Variants in REEP1 observed in about 807,000 individuals in gnomAD.
The protein encoded by REEP1 is receptor expression-enhancing protein 1.
Under a neutral mutation model 40.3 loss-of-function variants are expected in REEP1, and 22 were observed. The observed-to-expected ratio is 0.55, with a 90% CI of 0.39 to 0.78. The LOEUF (loss-of-function observed/expected upper bound fraction) is 0.78, where lower values mean the gene tolerates loss of function less well. Ranked by LOEUF, REEP1 falls within the 30% of genes least tolerant of loss-of-function variation. The pLI is 0.00. For missense variants in REEP1, 280 were observed against 361.1 expected, an observed-to-expected ratio of 0.78 and a Z score of 1.82; for synonymous variants, 116 against 139.2, an observed-to-expected ratio of 0.83 and a Z score of 1.17.
chr2:86,249,481 C>G (rs1490781284), intron 5 of REEP1, among the ~76,000 whole-genome samples: 4 of 152,144 alleles, frequency 2.6e-5, no homozygotes, highest in East Asian at 1.9e-4. Flanking sequence ...ACCTGTGCCC[C>G]CTATGGTTCT....
rs1681091720 is a variant in REEP1 at position 86,337,264 on chromosome 2, G to A, written c.32+215C>T. 3.8e-6 allele frequency: 1 copy of A among 265,718 alleles called. No individual in the cohort carries two copies. Among genetic ancestry groups the A allele is most frequent in the South Asian group, 1.7e-4 (1 of 5,946 alleles). 16.5% of individuals were successfully genotyped at this position (265,718 alleles called of 1,614,324 possible). On this transcript the variant is annotated intron_variant, in intron 1 of 8. Transcript: ENST00000538924. The surrounding 1 kb of genome is among the most constrained non-coding windows in gnomAD (Gnocchi z 5.8). ...GTCCCGGCCCAGCCCCCCGCAAGCG[G>A]CCGCCGGCGCCGGCTGCCTCCTGGG... is the stretch of plus-strand genomic sequence containing the variant.
At chr2:86,266,308 G>A (rs1198929050) in intron 2 of REEP1, among the ~76,000 whole-genome samples, 1 of 152,204 alleles carries the variant, frequency 6.6e-6, no homozygotes, top group Non-Finnish European at 1.5e-5. Flanking sequence ...CTTGGATCAG[G>A]CAATGCTTTC....
chr2:86,277,572 A>AAT (rs56069389), intron 2 of REEP1, among the ~76,000 whole-genome samples: 4 of 151,376 alleles, frequency 2.6e-5, no homozygotes, highest in Non-Finnish European at 5.9e-5. Context: ...AAAAAAAAAA[A>AAT]GTCAATGGGT....
chr2:86,244,757 G>A (rs1675841499), intron 5 of REEP1, among the ~76,000 whole-genome samples: 1 of 152,176 alleles, frequency 6.6e-6, no homozygotes, highest in Admixed American at 6.5e-5. Context: ...AACCCTGGAG[G>A]GTTAACAAAG....
chr2:86,316,548 CAA>C (rs58561932), intron 1 of REEP1, among the ~76,000 whole-genome samples: 9 of 70,446 alleles, frequency 1.3e-4, no homozygotes, highest in African/African-American at 5.9e-5. Flanking sequence ...AACTCTGTCT[CAA>C]AAAAAAAAAA....
chr2:86,318,271 A>G (rs1368877500), intron 1 of REEP1, among the ~76,000 whole-genome samples: 2 of 152,200 alleles, frequency 1.3e-5, no homozygotes, highest in African/African-American at 2.4e-5. Context: ...AACCACCACT[A>G]ATAAGGTTTC....
intron 2 of REEP1, among the ~76,000 whole-genome samples, chr2:86,280,843 T>C (rs1314937783): frequency 3.9e-5 from 6 of 152,106 alleles, no homozygotes; most frequent in African/African-American, 1.2e-4. Context: ...GGTTTCATCA[T>C]AAAGACTTCT....
At chr2:86,237,165 G>A (rs1675406463) in intron 5 of REEP1, among the ~76,000 whole-genome samples, 1 of 152,162 alleles carries the variant, frequency 6.6e-6, no homozygotes. Flanking sequence ...TGGCATAACT[G>A]GACAACTGAA....
At chr2:86,290,445 C>T (rs1444211177) in intron 1 of REEP1, among the ~76,000 whole-genome samples, 1 of 152,014 alleles carries the variant, frequency 6.6e-6, no homozygotes, top group Non-Finnish European at 1.5e-5. Context: ...CACCACTATA[C>T]ACCTGACCTT....
At chr2:86,320,750 T>C (rs1680240258) in intron 1 of REEP1, among the ~76,000 whole-genome samples, 2 of 152,202 alleles carry the variant, frequency 1.3e-5, no homozygotes, top group Admixed American at 1.3e-4. Context: ...TGATTAGACA[T>C]GGCTGAGGAG....
At chr2:86,236,415 A>C (rs1346104044) in intron 5 of REEP1, among the ~76,000 whole-genome samples, 1 of 152,204 alleles carries the variant, frequency 6.6e-6, no homozygotes, top group Non-Finnish European at 1.5e-5. Context: ...GGTATTCTGC[A>C]AAATTGGTTT....
rs1674002755 is a variant in REEP1, at chr2:86,214,581, A to T, written c.*2458T>A. ...TTCAGTTGTATCCTCTAGACAGAAC[A>T]CCACACCACTACATGTACACTTACA... On this transcript the variant is annotated 3_prime_UTR_variant, in exon 9 of 9. Transcript: ENST00000538924. The T allele has an allele frequency of 6.5e-6, 1 of 152,684 alleles. No homozygotes were observed. The allele number at this position is 152,684 out of a possible 1,614,324, so 9.5% of individuals were successfully genotyped here.
chr2:86,250,322 G>C (rs939209447), intron 5 of REEP1, among the ~76,000 whole-genome samples: 2 of 152,174 alleles, frequency 1.3e-5, no homozygotes, highest in African/African-American at 4.8e-5. Flanking sequence ...TTTTCCTCAG[G>C]CTTCAGAGGC....
upstream of REEP1, chr2:86,337,964 T>C: frequency 2.1e-6 from 3 of 1,449,326 alleles, no homozygotes; most frequent in African/African-American, 4.2e-5. The surrounding 1 kb of genome is among the most constrained non-coding windows in gnomAD (Gnocchi z 5.8). Flanking sequence ...TCTGCACCTG[T>C]CTAGGTGGGA....
rs1674034411 is a variant in REEP1, at chr2:86,215,070, G to C, written c.*1969C>G. 1 of 119,694 alleles carries C rather than the reference G, an allele frequency of 8.4e-6. No individual in the cohort carries two copies. The highest frequency in any genetic ancestry group is 1.6e-5 in the Non-Finnish European group (1 of 60,834). 7.4% of individuals were successfully genotyped at this position (119,694 alleles called of 1,614,324 possible). On this transcript the variant is annotated 3_prime_UTR_variant, in exon 9 of 9. Coordinates refer to ENST00000538924, the MANE Select transcript of REEP1 (RefSeq NM_001371279.1). Reference sequence around the variant, plus strand: ...TTGCATTCGTTTCTGATAATTCTGGGTACTTCCAACTAACAGGTAAATACA... The same window carrying C: ...TTGCATTCGTTTCTGATAATTCTGGCTACTTCCAACTAACAGGTAAATACA...
intron 1 of REEP1, among the ~76,000 whole-genome samples, chr2:86,327,729 G>A (rs886817859): frequency 2.0e-5 from 3 of 151,898 alleles, no homozygotes; most frequent in Admixed American, 6.6e-5. Flanking sequence ...CTCCACATCC[G>A]GCTAATTTTT....
intron 3 of REEP1, 115 bp from the exon 4 acceptor site, chr2:86,254,929 G>C (rs1676474321): frequency 2.6e-6 from 3 of 1,154,092 alleles, no homozygotes; most frequent in Admixed American, 3.6e-5. Flanking sequence ...GTGGCTGCAA[G>C]TTTCCCAGAT....
chr2:86,263,884 G>T, intron 3 of REEP1, 81 bp downstream of exon 3: 1 of 1,020,608 alleles, frequency 9.8e-7, no homozygotes, highest in Non-Finnish European at 1.6e-6. Flanking sequence ...TTTGAGGCTG[G>T]GTTCAGCCCT....
chr2:86,305,362 C>T (rs1464489791), intron 1 of REEP1, among the ~76,000 whole-genome samples: 2 of 152,226 alleles, frequency 1.3e-5, no homozygotes, highest in African/African-American at 4.8e-5. Flanking sequence ...CGTTTCCTCC[C>T]TCAGGGCAAG....
Sources: gnomAD v4.1 joint callset for allele counts (sites outside exome capture counted in the v4.1 genomes callset) on GRCh38, gnomAD v4.1.1 for gene constraint, Gnocchi (gnomAD v3.1) non-coding constraint, MANE v1.5 for transcripts, NCBI Gene and HGNC (gene_info 2026-07-23, HGNC 2026-07-21) for gene names.